Variants in STAU2 observed in about 807,000 individuals in gnomAD.
The protein encoded by STAU2 is double-stranded RNA-binding protein Staufen homolog 2.
A neutral mutation model predicts 65.9 loss-of-function variants in STAU2; 20 were observed. The ratio of observed to expected loss-of-function variants is 0.30; its 90% CI spans 0.21 to 0.44. The LOEUF (loss-of-function observed/expected upper bound fraction) is 0.44. Among genes scored for constraint, STAU2 ranks in the 20% least tolerant of loss-of-function variants. The pLI, the probability that STAU2 is intolerant of heterozygous loss-of-function variation, is 1.00. For synonymous variants in STAU2, 232 were observed against 233.9 expected, an observed-to-expected ratio of 0.99 and a Z score of 0.07; for missense variants, 558 against 683.9, an observed-to-expected ratio of 0.82 and a Z score of 2.05.
intron 13 of STAU2, among the ~76,000 whole-genome samples, chr8:73,485,691 C>A (rs2128912889): frequency 6.6e-6 from 1 of 152,012 alleles, no homozygotes; most frequent in East Asian, 1.9e-4. Flanking sequence ...AAAATATTAG[C>A]CGGGCATGAG....
At chr8:73,551,643 T>A in intron 13 of STAU2, 1 of 996,648 alleles carries the variant, frequency 1.0e-6, no homozygotes, top group Non-Finnish European at 1.2e-6. Context: ...AAGGGAGAAC[T>A]GAGTGTGAAA....
intron 13 of STAU2, among the ~76,000 whole-genome samples, chr8:73,491,129 G>A (rs17312004): frequency 0.03 from 4,626 of 152,042 alleles, 229 homozygotes; most frequent in Admixed American, 0.13. Context: ...GTTGAATGAG[G>A]TAGAATTTTA....
intron 11 of STAU2, among the ~76,000 whole-genome samples, chr8:73,587,252 A>G (rs1810444183): frequency 6.6e-6 from 1 of 152,202 alleles, no homozygotes; most frequent in Non-Finnish European, 1.5e-5. Flanking sequence ...TGTGTGGCAA[A>G]TATAAAAAAA....
At chr8:73,607,400 T>G (rs1407338538) in intron 9 of STAU2, among the ~76,000 whole-genome samples, 1 of 152,062 alleles carries the variant, frequency 6.6e-6, no homozygotes, top group Non-Finnish European at 1.5e-5. Context: ...TATACACAAG[T>G]TTATATATAG....
intron 13 of STAU2, among the ~76,000 whole-genome samples, chr8:73,530,910 G>A (rs1225956828): frequency 7.2e-5 from 11 of 152,150 alleles, no homozygotes; most frequent in Non-Finnish European, 4.4e-5. Context: ...AAACGTGGCT[G>A]TCCCTCAGGG....
chr8:73,464,064 T>C (rs986681076), intron 13 of STAU2, among the ~76,000 whole-genome samples: 1 of 152,230 alleles, frequency 6.6e-6, no homozygotes, highest in African/African-American at 2.4e-5. Flanking sequence ...AGACAACAGT[T>C]TACAATGGGC....
At position 73,723,249 on chromosome 8, in the gene STAU2, T is replaced by C. The variant is rs1259740350; in HGVS notation, c.-17-14087A>G. 3.3e-5 allele frequency among the ~76,000 whole-genome samples: 5 copies of C among 152,264 alleles called. No homozygotes were observed. In the East Asian group the frequency reaches 9.6e-4, roughly 29 times the overall value. ...GTCCCAAAGAAAACCCATGCAGACA[T>C]GGGAAGAACATGAAAACATCACACC... is the stretch of plus-strand genomic sequence containing the variant. On this transcript the variant is annotated intron_variant, in intron 3 of 14. Transcript: ENST00000524300.
In STAU2 at chr8:73,615,705, A is replaced by G. The variant is rs1451364884; in HGVS notation, c.648T>C (p.Ala216=). ...KSEISLVFEI[A]LKRNMPVSFE... Reference sequence around the variant, plus strand: ...AACTGACAGGCATATTTCGCTTCAGAGCAATTTCAAACACTAAGCTGATCT... The same window carrying G: ...AACTGACAGGCATATTTCGCTTCAGGGCAATTTCAAACACTAAGCTGATCT... The change falls in exon 8 of 15, where the codon GCT becomes GCC. Residue 216 remains alanine, a synonymous_variant. Coordinates refer to ENST00000524300, the MANE Select transcript of STAU2 (RefSeq NM_001164380.2). 34 of 1,613,816 alleles carry G rather than the reference A, an allele frequency of 2.1e-5. No homozygotes were observed. The highest frequency in any genetic ancestry group is 2.8e-5 in the Non-Finnish European group (33 of 1,179,964).
chr8:73,659,754 T>C (rs1004863846), intron 6 of STAU2, among the ~76,000 whole-genome samples: 3 of 152,316 alleles, frequency 2.0e-5, no homozygotes, highest in South Asian at 2.1e-4. Flanking sequence ...GAATAGAGAA[T>C]GCTATTTATT....
intron 6 of STAU2, among the ~76,000 whole-genome samples, chr8:73,660,627 T>G (rs950137702): frequency 6.6e-6 from 1 of 152,248 alleles, no homozygotes; most frequent in Non-Finnish European, 1.5e-5. Flanking sequence ...CCAGCTTGAA[T>G]GGCTATCAAG....
chr8:73,694,157 A>T lies in STAU2; in HGVS notation c.115-5344T>A, dbSNP rs191212351. On this transcript the variant is annotated intron_variant, in intron 4 of 14. Transcript: ENST00000524300. The stretch of plus-strand genomic sequence containing the variant: ...GCAATTAAGAAGACATTGATATCCT[A>T]AACATTTAGGCACCTAATAACACAG... 4.5e-3 allele frequency among the ~76,000 whole-genome samples: 693 copies of T among 152,320 alleles called. 5 individuals carry two copies. The highest frequency in any genetic ancestry group is 0.016 in the African/African-American group (665 of 41,564).
intron 6 of STAU2, among the ~76,000 whole-genome samples, chr8:73,655,537 T>C (rs1255645811): frequency 3.3e-5 from 5 of 151,686 alleles, no homozygotes; most frequent in Admixed American, 1.3e-4. Context: ...ATTAAAATTA[T>C]AGGAGTTTGT....
At chr8:73,745,892 C>CAG (rs1807235262) in intron 1 of STAU2, among the ~76,000 whole-genome samples, 1 of 152,162 alleles carries the variant, frequency 6.6e-6, no homozygotes, top group Non-Finnish European at 1.5e-5. Flanking sequence ...CTAAGAATCC[C>CAG]AGAGTGGCGT....
chr8:73,513,846 T>C (rs1316305882), intron 13 of STAU2, among the ~76,000 whole-genome samples: 3 of 152,106 alleles, frequency 2.0e-5, no homozygotes, highest in South Asian at 2.1e-4. Context: ...AAACTGATGG[T>C]TTTCATGGCC....
chr8:73,513,099 T>C (rs114726399), intron 13 of STAU2, among the ~76,000 whole-genome samples: 3,369 of 152,238 alleles, frequency 0.022, 112 homozygotes, highest in African/African-American at 0.076. Flanking sequence ...TATCTTGTAA[T>C]TTTTTAAGCC....
intron 13 of STAU2, among the ~76,000 whole-genome samples, chr8:73,455,486 T>C (rs1819014656): frequency 6.6e-6 from 1 of 152,140 alleles, no homozygotes; most frequent in Non-Finnish European, 1.5e-5. Flanking sequence ...CTAGAGAGAA[T>C]GTGGGACTTG....
intron 13 of STAU2, among the ~76,000 whole-genome samples, chr8:73,433,503 C>CTT (rs34174316): frequency 2.8e-4 from 35 of 126,644 alleles, no homozygotes; most frequent in African/African-American, 8.9e-4. Flanking sequence ...CACGCCCCGC[C>CTT]TTTTTTTTTT....
At chr8:73,437,794 C>A (rs1195941294) in intron 13 of STAU2, among the ~76,000 whole-genome samples, 1 of 152,088 alleles carries the variant, frequency 6.6e-6, no homozygotes, top group Non-Finnish European at 1.5e-5. Context: ...TGCCTCTGCC[C>A]ACTCCTCACG....
At chr8:73,615,028 G>C (rs1013437650) in intron 8 of STAU2, among the ~76,000 whole-genome samples, 6 of 152,150 alleles carry the variant, frequency 3.9e-5, no homozygotes, top group Non-Finnish European at 8.8e-5. Context: ...GTCATACAAT[G>C]TGAGGGAAGA....
Sources: allele counts gnomAD v4.1 joint callset (sites outside exome capture counted in the v4.1 genomes callset), GRCh38; gene constraint gnomAD v4.1.1; transcripts MANE v1.5; gene names NCBI Gene and HGNC (gene_info 2026-07-23, HGNC 2026-07-21).